Variants in PPFIBP1 observed in about 807,000 individuals in gnomAD.
PPFIBP1 encodes the protein PPFIB scaffold protein 1, also known as liprin-beta-1.
In PPFIBP1, 112 loss-of-function variants were observed where a neutral mutation model predicts 137.8. The observed-to-expected ratio is 0.81, with a 90% CI of 0.70 to 0.95. The LOEUF (loss-of-function observed/expected upper bound fraction) is 0.95, where lower values mean the gene tolerates loss of function less well. Among genes scored for constraint, PPFIBP1 ranks in the 40% least tolerant of loss-of-function variants. PPFIBP1 has a pLI of 0.00. For synonymous variants in PPFIBP1, 378 were observed against 417.3 expected (o/e 0.91, Z 1.15); for missense variants, 1,083 against 1,196.6 (o/e 0.91, Z 1.40).
chr12:27,646,096 A>T lies in PPFIBP1; in HGVS notation c.305A>T (p.Tyr102Phe). The change falls in exon 5 of 30, where the codon TAT (tyrosine) becomes TTT (phenylalanine). Residue 102 changes from tyrosine (Y) to phenylalanine (F), a missense_variant. Transcript: ENST00000228425. The part of the protein sequence containing the change: ...NGHLPGNGDV[Y>F]QERLARLEND... ...CACCTACCAGGGAACGGAGATGTGT[A>T]TCAAGAAAGGCTGGCACGTTTAGAA... 6.2e-7 allele frequency: 1 copy of T among 1,612,110 alleles called. No individual in the cohort carries two copies. Among genetic ancestry groups the T allele is most frequent in the Non-Finnish European group, 8.5e-7 (1 of 1,178,686 alleles).
rs1483794379 is a variant in PPFIBP1 at position 27,642,849 on chromosome 12, C to G, written c.271-3213C>G. ...CCAGCAAAACAGGAAATCAAGGTTC[C>G]AAAGTAGAAGTGGAATGATGAGCTT... On this transcript the variant is annotated intron_variant, in intron 4 of 29. Transcript: ENST00000228425. Among the ~76,000 whole-genome samples, 15 of 151,820 alleles carry G rather than the reference C, an allele frequency of 9.9e-5. 1 individual carries two copies. Among genetic ancestry groups the G allele is most frequent in the Non-Finnish European group, 1.5e-5 (1 of 67,982 alleles).
At position 27,676,419 on chromosome 12, in the gene PPFIBP1, G is replaced by C. The variant is rs2060516095; in HGVS notation, c.1411-9G>C. The C allele has an allele frequency of 6.8e-7, 1 of 1,474,264 alleles. No individual in the cohort carries two copies. Among genetic ancestry groups the C allele is most frequent in the East Asian group, 2.4e-5 (1 of 41,342 alleles). 91.3% of individuals were successfully genotyped at this position (1,474,264 alleles called of 1,614,324 possible). A position where few individuals can be genotyped will look rare whatever the true frequency, so the allele number is the denominator to read the frequency against. ...GAGAGCTGTTTCACTATTCTTATTT[G>C]CCTCTCAGGACAGAGCTCCGGCAGA... On this transcript the variant is annotated splice_polypyrimidine_tract_variant and intron_variant, in intron 17 of 29. Transcript: ENST00000228425.
Position 27,694,567 on chromosome 12 carries a change from C to A in PPFIBP1, c.*1685C>A, listed in dbSNP as rs1462533587. The stretch of plus-strand genomic sequence containing the variant: ...CATTTTATTTCAAAGTTCAAAAAAA[C>A]AGAGGCTGCAAAATTCATTTTATAA... On this transcript the variant is annotated 3_prime_UTR_variant, in exon 30 of 30. Coordinates refer to ENST00000228425, the MANE Select transcript of PPFIBP1 (RefSeq NM_003622.4). 1 of 152,138 alleles carries A rather than the reference C, an allele frequency of 6.6e-6. No homozygotes were observed. Among genetic ancestry groups the A allele is most frequent in the East Asian group, 1.9e-4 (1 of 5,202 alleles). The allele number at this position is 152,138 out of a possible 1,614,324, so 9.4% of individuals were successfully genotyped here.
At chr12:27,667,009 A>ATGT (rs10646735) in intron 12 of PPFIBP1, among the ~76,000 whole-genome samples, 157 bp from the exon 13 acceptor site, 152,122 of 152,266 alleles carry the variant, frequency 1, 75,989 homozygotes, top group Middle Eastern at 1. Context: ...CCTAGGTCCT[A>ATGT]TGTTGTTTTT....
rs547161255 is a variant in PPFIBP1 at position 27,686,863 on chromosome 12, C to G, written c.2248-522C>G. On this transcript the variant is annotated intron_variant, in intron 24 of 29. Coordinates refer to ENST00000228425, the MANE Select transcript of PPFIBP1 (RefSeq NM_003622.4). ...ATAGCCTGGGCAGTATAGTGAGATC[C>G]TATCTCTCCAAAAAAAAAAAAGATG... Among the ~76,000 whole-genome samples, 18 of 150,454 alleles carry G rather than the reference C, an allele frequency of 1.2e-4. 1 individual carries two copies. The highest frequency in any genetic ancestry group is 4.4e-4 in the African/African-American group (18 of 40,470).
chr12:27,646,894 C>G (rs190079146), intron 5 of PPFIBP1, among the ~76,000 whole-genome samples: 106 of 152,364 alleles, frequency 7.0e-4, no homozygotes, highest in African/African-American at 1.8e-3. Context: ...ACTAGCCCAA[C>G]AGCTCCTCAG....
intron 3 of PPFIBP1, 115 bp from the exon 4 acceptor site, chr12:27,634,795 T>C: frequency 1.1e-6 from 1 of 881,284 alleles, no homozygotes; most frequent in Non-Finnish European, 1.8e-6. Context: ...AATTCTCTTT[T>C]TTCTGTTTCT....
rs372542352 is a variant in PPFIBP1 at position 27,680,016 on chromosome 12, C to A, written c.1850C>A (p.Ala617Glu). 3 of 1,614,070 alleles carry A rather than the reference C, an allele frequency of 1.9e-6. No individual in the cohort carries two copies. Among genetic ancestry groups the A allele is most frequent in the East Asian group, 2.2e-5 (1 of 44,884 alleles). ...EFKRGGTRAT[A>E]GPRLGWSRDL... ...AAAAGAGGAGGGACAAGGGCAACCGCGGGGCCCCGATTAGGTTGGTCTCGA... is the reference window on the plus strand; with the variant it reads ...AAAAGAGGAGGGACAAGGGCAACCGAGGGGCCCCGATTAGGTTGGTCTCGA... The change falls in exon 21 of 30, where the codon GCG (alanine) becomes GAG (glutamate). Residue 617 changes from alanine (A) to glutamate (E), a missense_variant. By Grantham distance (107) the Ala-to-Glu change is moderately radical. Coordinates refer to ENST00000228425, the MANE Select transcript of PPFIBP1 (RefSeq NM_003622.4).
At chr12:27,648,369 A>G (rs2058673425) in intron 6 of PPFIBP1, among the ~76,000 whole-genome samples, 1 of 152,202 alleles carries the variant, frequency 6.6e-6, no homozygotes, top group Non-Finnish European at 1.5e-5. Context: ...CAAAGATGTG[A>G]AGAAAAGGGA....
At chr12:27,572,591 G>C (rs535487456) in intron 1 of PPFIBP1, among the ~76,000 whole-genome samples, 2 of 152,330 alleles carry the variant, frequency 1.3e-5, no homozygotes, top group South Asian at 4.1e-4. Context: ...TATGTCAATA[G>C]ATATTGCAAA....
intron 8 of PPFIBP1, among the ~76,000 whole-genome samples, chr12:27,655,721 T>G (rs2059155928): frequency 6.6e-6 from 1 of 152,238 alleles, no homozygotes; most frequent in South Asian, 2.1e-4. Flanking sequence ...ACTCTGCTCC[T>G]ACCAGAAGTC....
chr12:27,601,491 A>G (rs2053983572), intron 2 of PPFIBP1, among the ~76,000 whole-genome samples: 1 of 152,210 alleles, frequency 6.6e-6, no homozygotes, highest in African/African-American at 2.4e-5. Context: ...GTTAAACTGC[A>G]TCATACCGCT....
chr12:27,651,179 T>C (rs2058854263), intron 7 of PPFIBP1, among the ~76,000 whole-genome samples: 1 of 152,194 alleles, frequency 6.6e-6, no homozygotes, highest in Non-Finnish European at 1.5e-5. Flanking sequence ...AAATTAAATT[T>C]TCTGTCAAAG....
chr12:27,564,788 C>T (rs1460341710), intron 1 of PPFIBP1, among the ~76,000 whole-genome samples: 12 of 152,202 alleles, frequency 7.9e-5, no homozygotes, highest in Non-Finnish European at 4.4e-5. Context: ...TCTTTGTTCT[C>T]ATGGCGTCCT....
At chr12:27,594,167 C>A in intron 2 of PPFIBP1, 1 of 381,868 alleles carries the variant, frequency 2.6e-6, no homozygotes, top group East Asian at 4.6e-5. Flanking sequence ...TATCCATCCC[C>A]TTTTCTATTT....
chr12:27,662,057 A>T, intron 11 of PPFIBP1, among the ~76,000 whole-genome samples: 1 of 151,718 alleles, frequency 6.6e-6, no homozygotes, highest in East Asian at 1.9e-4. Flanking sequence ...GGCTTATGAG[A>T]TGCTCAAACT....
At chr12:27,661,166 G>A (rs1253011482) in intron 11 of PPFIBP1, among the ~76,000 whole-genome samples, 2 of 152,138 alleles carry the variant, frequency 1.3e-5, no homozygotes, top group East Asian at 3.9e-4. Flanking sequence ...TTCAGAAAAT[G>A]TTCAAACTCT....
At chr12:27,656,191 C>T (rs1422349330) in intron 8 of PPFIBP1, among the ~76,000 whole-genome samples, 1 of 152,178 alleles carries the variant, frequency 6.6e-6, no homozygotes, top group Non-Finnish European at 1.5e-5. Context: ...GCATGAGTGC[C>T]AACTTGAAAT....
chr12:27,609,024 G>T, intron 2 of PPFIBP1: 1 of 160,318 alleles, frequency 6.2e-6, no homozygotes, highest in Non-Finnish European at 1.4e-5. Context: ...ACACTTAGCT[G>T]AGCTGACCTT....
Sources: allele counts gnomAD v4.1 joint callset (sites outside exome capture counted in the v4.1 genomes callset), GRCh38; gene constraint gnomAD v4.1.1; transcripts MANE v1.5; gene names NCBI Gene and HGNC (gene_info 2026-07-23, HGNC 2026-07-21).